Variants in FRAS1 observed in about 807,000 individuals in gnomAD.
FRAS1 encodes Fraser extracellular matrix complex subunit 1.
FRAS1 carries 290 observed loss-of-function variants against 435.2 expected under a neutral mutation model. The observed-to-expected ratio is 0.67, with a 90% CI of 0.61 to 0.73. The LOEUF (loss-of-function observed/expected upper bound fraction) is 0.73. FRAS1 is among the 30% of genes least tolerant of loss of function. The pLI is 0.00. For synonymous variants in FRAS1, 1,800 were observed against 1,851.0 expected (o/e 0.97, Z 0.71); for missense variants, 4,860 against 5,001.5 (o/e 0.97, Z 0.85).
chr4:78,150,560 C>A (rs1240772062), intron 2 of FRAS1, among the ~76,000 whole-genome samples: 1 of 152,136 alleles, frequency 6.6e-6, no homozygotes, highest in East Asian at 1.9e-4. Context: ...GAAATACATT[C>A]CATTTGTCCT....
In FRAS1 at chr4:78,471,938, A is replaced by T. The variant is rs1017513023; in HGVS notation, c.7372-242A>T. On this transcript the variant is annotated intron_variant, in intron 51 of 73. Coordinates refer to ENST00000512123, the MANE Select transcript of FRAS1 (RefSeq NM_025074.7). ...GTGCAGCCCTCTTTTTATGTCTTCC[A>T]TTACAGCTCTTGCCACATTGACCTT... 6.6e-5 allele frequency among the ~76,000 whole-genome samples: 10 copies of T among 152,078 alleles called. 1 individual carries two copies. The highest frequency in any genetic ancestry group is 3.9e-4 in the East Asian group (2 of 5,168).
At chr4:78,495,248 T>A (rs1022440025) in intron 59 of FRAS1, among the ~76,000 whole-genome samples, 3 of 151,942 alleles carry the variant, frequency 2.0e-5, no homozygotes, top group Admixed American at 1.3e-4. Flanking sequence ...TAGGTATTAA[T>A]AACATCTTTT....
intron 2 of FRAS1, among the ~76,000 whole-genome samples, chr4:78,208,106 T>C (rs11726341): frequency 6.6e-6 from 1 of 152,026 alleles, no homozygotes; most frequent in African/African-American, 2.4e-5. Context: ...CTACAGACGG[T>C]TCATATCACA....
intron 15 of FRAS1, among the ~76,000 whole-genome samples, chr4:78,310,158 G>C (rs993409282): frequency 6.6e-6 from 1 of 152,190 alleles, no homozygotes. Flanking sequence ...GCTGCCATTA[G>C]CCTGAGCATG....
rs771754405 is a variant in FRAS1 at position 78,441,196 on chromosome 4, A to G, written c.5564A>G (p.His1855Arg). Residue 1855 changes from histidine to arginine, a missense_variant, in exon 41 of 74, where the codon CAC becomes CGC. Coordinates refer to ENST00000512123, the MANE Select transcript of FRAS1 (RefSeq NM_025074.7). ...GGAGGGAGAGCACCACTCTCATTTC[A>G]CCATTTTTTTGCTACTGATGATGAT... ...DEGGRAPLSF[H>R]HFFATDDDDN... 1.2e-6 allele frequency: 2 copies of G among 1,613,754 alleles called. No individual in the cohort carries two copies. The highest frequency in any genetic ancestry group is 2.7e-5 in the African/African-American group (2 of 74,974).
chr4:78,407,590 T>G, intron 30 of FRAS1, 73 bp from the exon 31 acceptor site: 1 of 1,207,598 alleles, frequency 8.3e-7, no homozygotes, highest in Non-Finnish European at 1.2e-6. Context: ...AAAAAATGAG[T>G]AGTAGGAAAG....
intron 2 of FRAS1, among the ~76,000 whole-genome samples, chr4:78,166,218 T>C (rs951382398): frequency 6.6e-6 from 1 of 152,102 alleles, no homozygotes; most frequent in African/African-American, 2.4e-5. Flanking sequence ...AAACATAAAA[T>C]AAAGACACCC....
intron 2 of FRAS1, among the ~76,000 whole-genome samples, chr4:78,096,728 C>A (rs1741828798): frequency 6.6e-6 from 1 of 152,232 alleles, no homozygotes; most frequent in Admixed American, 6.5e-5. Context: ...CAAATCCCTA[C>A]ACTCCACACA....
intron 38 of FRAS1, among the ~76,000 whole-genome samples, chr4:78,436,019 A>G (rs1035600256): frequency 6.6e-6 from 1 of 152,214 alleles, no homozygotes; most frequent in Non-Finnish European, 1.5e-5. Context: ...ACTATAAAAG[A>G]TTGGTAAATT....
chr4:78,160,367 A>G (rs1225751301), intron 2 of FRAS1, among the ~76,000 whole-genome samples: 1 of 152,228 alleles, frequency 6.6e-6, no homozygotes, highest in Non-Finnish European at 1.5e-5. Flanking sequence ...TTTTGAATCT[A>G]TTGCCAACAT....
chr4:78,478,553 T>C (rs1352108432), intron 55 of FRAS1, among the ~76,000 whole-genome samples: 1 of 152,232 alleles, frequency 6.6e-6, no homozygotes, highest in Non-Finnish European at 1.5e-5. Context: ...GTTTTATTTT[T>C]GACTGATACA....
chr4:78,392,549 T>G (rs1732488602), intron 29 of FRAS1, among the ~76,000 whole-genome samples: 2 of 152,088 alleles, frequency 1.3e-5, no homozygotes, highest in Admixed American at 6.6e-5. Flanking sequence ...ATTAATATTT[T>G]TATTTGTAAT....
intron 70 of FRAS1, 29 bp from the exon 71 acceptor site, chr4:78,534,420 A>G (rs1721819058): frequency 6.2e-7 from 1 of 1,601,698 alleles, no homozygotes; most frequent in Non-Finnish European, 8.5e-7. Context: ...CCTGCTCTCA[A>G]AGAGCTCTTT....
At chr4:78,459,565 T>C (rs1719307567) in intron 47 of FRAS1, among the ~76,000 whole-genome samples, 1 of 152,240 alleles carries the variant, frequency 6.6e-6, no homozygotes, top group East Asian at 1.9e-4. Flanking sequence ...TCAACCTCTT[T>C]CAGTATTGTG....
chr4:78,133,157 T>G (rs1247042546), intron 2 of FRAS1, among the ~76,000 whole-genome samples: 1 of 152,184 alleles, frequency 6.6e-6, no homozygotes, highest in African/African-American at 2.4e-5. Context: ...AAATTGGTAC[T>G]TATACAAAGT....
At chr4:78,143,257 A>G (rs1465831774) in intron 2 of FRAS1, among the ~76,000 whole-genome samples, 3 of 152,210 alleles carry the variant, frequency 2.0e-5, no homozygotes, top group African/African-American at 4.8e-5. Flanking sequence ...ATTTCATAAT[A>G]ATGTAAGAGT....
At chr4:78,479,295 G>A (rs1303761842) in intron 55 of FRAS1, 79 bp from the exon 56 acceptor site, 23 of 951,114 alleles carry the variant, frequency 2.4e-5, no homozygotes, top group Non-Finnish European at 3.3e-5. Context: ...GAGGGACCAA[G>A]CTCATTAACT....
chr4:78,418,792 A>G (rs1733647058), intron 32 of FRAS1, among the ~76,000 whole-genome samples, 157 bp from the exon 33 acceptor site: 2 of 152,230 alleles, frequency 1.3e-5, no homozygotes, highest in Admixed American at 6.5e-5. Flanking sequence ...TCTGCAATGC[A>G]AGAGACCAGA....
At chr4:78,397,727 G>A (rs1013437006) in intron 29 of FRAS1, among the ~76,000 whole-genome samples, 8 of 152,174 alleles carry the variant, frequency 5.3e-5, no homozygotes, top group Admixed American at 4.6e-4. Flanking sequence ...CTAGACAGCT[G>A]TGAAGACATA....
Sources: gnomAD v4.1 joint callset for allele counts (sites outside exome capture counted in the v4.1 genomes callset) on GRCh38, gnomAD v4.1.1 for gene constraint, MANE v1.5 for transcripts, NCBI Gene and HGNC (gene_info 2026-07-23, HGNC 2026-07-21) for gene names.